PLA1A: variants seen among roughly 807,000 people sequenced by gnomAD.
PLA1A encodes phospholipase A1 member A, also known as phosphatidylserine-specific phospholipase A1alpha.
In PLA1A, 47 loss-of-function variants were observed where a neutral mutation model predicts 49.4. The ratio of observed to expected loss-of-function variants is 0.95; its 90% CI spans 0.75 to 1.21. The LOEUF (loss-of-function observed/expected upper bound fraction) is 1.21. Ranked by LOEUF, PLA1A falls within the 50% of genes most tolerant of loss-of-function variation. The probability of loss-of-function intolerance (pLI) is 0.00; values close to 1 mark genes in which losing one functional copy is unlikely to be tolerated. For synonymous variants in PLA1A, 224 were observed against 207.9 expected (o/e 1.08, Z -0.67); for missense variants, 561 against 563.9 (o/e 0.99, Z 0.05).
At chr3:119,613,172 G>T in intron 5 of PLA1A, 54 bp downstream of exon 5, 2 of 1,229,248 alleles carry the variant, frequency 1.6e-6, no homozygotes, top group Non-Finnish European at 2.3e-6. Flanking sequence ...GCAGCGCCTA[G>T]GAGGCTGGCA....
intron 4 of PLA1A, among the ~76,000 whole-genome samples, chr3:119,610,384 C>A (rs1354556063): frequency 6.6e-6 from 1 of 152,052 alleles, no homozygotes; most frequent in Non-Finnish European, 1.5e-5. Context: ...ATTTTTAGTT[C>A]TTTGAGGAAT....
intron 8 of PLA1A, among the ~76,000 whole-genome samples, chr3:119,623,212 G>T (rs1362060204): frequency 6.6e-6 from 1 of 152,032 alleles, no homozygotes; most frequent in Non-Finnish European, 1.5e-5. Context: ...CACAGTCACG[G>T]TTCACTGCAG....
intron 1 of PLA1A, among the ~76,000 whole-genome samples, chr3:119,605,472 C>T (rs1184764555): frequency 1.2e-4 from 19 of 152,246 alleles, no homozygotes; most frequent in Admixed American, 1.2e-3. Context: ...CCAGTTACCT[C>T]TGATAGAAGA....
chr3:119,598,665 C>A (rs1364916603), intron 1 of PLA1A: 1 of 152,296 alleles, frequency 6.6e-6, no homozygotes, highest in Non-Finnish European at 1.5e-5. Context: ...CCTCTACTCA[C>A]AATAGCAGGC....
chr3:119,619,482 TTAA>T, intron 7 of PLA1A, 78 bp from the exon 8 acceptor site: 3 of 883,258 alleles, frequency 3.4e-6, no homozygotes, highest in Non-Finnish European at 5.7e-6. Context: ...GGTGCATGAA[TTAA>T]TAAACACGTG....
At chr3:119,607,411 C>T (rs1408830085) in intron 2 of PLA1A, among the ~76,000 whole-genome samples, 1 of 152,216 alleles carries the variant, frequency 6.6e-6, no homozygotes, top group Non-Finnish European at 1.5e-5. Flanking sequence ...CTCCAGTCCA[C>T]AATTTGTTGT....
chr3:119,600,871 G>A (rs545932513), intron 1 of PLA1A, among the ~76,000 whole-genome samples: 2 of 152,346 alleles, frequency 1.3e-5, no homozygotes, highest in South Asian at 2.1e-4. Context: ...GTGCTGAGCT[G>A]GTGGCAGAAG....
At chr3:119,610,596 A>G (rs2082752091) in intron 4 of PLA1A, among the ~76,000 whole-genome samples, 1 of 152,132 alleles carries the variant, frequency 6.6e-6, no homozygotes, top group Non-Finnish European at 1.5e-5. Context: ...TTTGTTAGCC[A>G]CTTGTATGTC....
chr3:119,617,229 G>A (rs189894591), intron 6 of PLA1A, among the ~76,000 whole-genome samples: 6 of 152,274 alleles, frequency 3.9e-5, no homozygotes, highest in African/African-American at 1.2e-4. Flanking sequence ...CATTTGGCCC[G>A]GTGAGCCTCA....
At chr3:119,603,672 A>G (rs1422046085) in intron 1 of PLA1A, among the ~76,000 whole-genome samples, 1 of 152,224 alleles carries the variant, frequency 6.6e-6, no homozygotes, top group Admixed American at 6.5e-5. Flanking sequence ...TTAAAATTTT[A>G]AATAGTTTAT....
rs1310776342 is a variant in PLA1A, at chr3:119,613,197, C to T, written c.664+79C>T. On this transcript the variant is annotated intron_variant, in intron 5 of 10. Coordinates refer to ENST00000273371, the MANE Select transcript of PLA1A (RefSeq NM_015900.4). ...GGAGGCTGGCATCTAGCTCTGTGGC[C>T]CTGGGCAGAGATGCCCTGACCCTCT... is the stretch of plus-strand genomic sequence containing the variant. The T allele has an allele frequency of 3.3e-6, 3 of 914,058 alleles. No homozygotes were observed. In the East Asian group the frequency reaches 8.0e-5, roughly 24 times the overall value. 56.6% of individuals were successfully genotyped at this position (914,058 alleles called of 1,614,324 possible).
At chr3:119,610,149 A>C (rs1020415848) in intron 4 of PLA1A, among the ~76,000 whole-genome samples, 7 of 152,370 alleles carry the variant, frequency 4.6e-5, no homozygotes, top group Non-Finnish European at 1.0e-4. Flanking sequence ...TGCAGAGAAC[A>C]TAATTTCATT....
Position 119,606,919 on chromosome 3 carries a change from C to T in PLA1A, c.219C>T (p.Leu73=). 1 of 1,614,124 alleles carries T rather than the reference C, an allele frequency of 6.2e-7. No homozygotes were observed. Among genetic ancestry groups the T allele is most frequent in the Admixed American group, 1.7e-5 (1 of 60,024 alleles). ...AGCTAGTAGAAGGAAGCAGTGACCT[C>T]CAAAACTCTGGGTTCAATGCCACTC... ...CGQLVEGSSD[L]QNSGFNATLG... Residue 73 remains leucine, a synonymous_variant, in exon 2 of 11, where the codon CTC becomes CTT. Transcript: ENST00000273371.
At chr3:119,601,545 C>A (rs2082618742) in intron 1 of PLA1A, among the ~76,000 whole-genome samples, 1 of 152,214 alleles carries the variant, frequency 6.6e-6, no homozygotes, top group Non-Finnish European at 1.5e-5. Context: ...TCAGCCTGGC[C>A]AGATACTCAT....
Position 119,628,695 on chromosome 3 carries a change from T to C in PLA1A, c.1122-6T>C, listed in dbSNP as rs374371266. 2 of 1,613,858 alleles carry C rather than the reference T, an allele frequency of 1.2e-6. No individual in the cohort carries two copies. Among genetic ancestry groups the C allele is most frequent in the Admixed American group, 1.7e-5 (1 of 59,992 alleles). ...CATTTACTTTCCCTTTACCCTTTTC[T>C]TGCAGACCTAAGCAGCAACGCTATG... On this transcript the variant is annotated splice_region_variant and splice_polypyrimidine_tract_variant and intron_variant, in intron 9 of 10. Coordinates refer to ENST00000273371, the MANE Select transcript of PLA1A (RefSeq NM_015900.4).
intron 3 of PLA1A, 37 bp downstream of exon 3, chr3:119,608,984 G>C (rs369466528): frequency 1.9e-6 from 3 of 1,552,278 alleles, no homozygotes; most frequent in African/African-American, 2.7e-5. Flanking sequence ...TTTGGGCTGC[G>C]TATGAGGAGA....
chr3:119,608,202 AAAAG>A (rs5852211), intron 2 of PLA1A, among the ~76,000 whole-genome samples: 79,582 of 115,494 alleles, frequency 0.69, 25,696 homozygotes, highest in Admixed American at 0.76. Flanking sequence ...GAAAGGAAAG[AAAAG>A]AAAGAAAGAA....
In PLA1A at chr3:119,615,169, G is replaced by A. The variant is rs934721221; in HGVS notation, c.665-843G>A. Among the ~76,000 whole-genome samples, 3 of 152,220 alleles carry A rather than the reference G, an allele frequency of 2.0e-5. No individual in the cohort carries two copies. In the East Asian group the frequency reaches 5.8e-4, roughly 29 times the overall value. On this transcript the variant is annotated intron_variant, in intron 5 of 10. Coordinates refer to ENST00000273371, the MANE Select transcript of PLA1A (RefSeq NM_015900.4). ...CCAATACTGACAGATGACAGAAGGAGAAAGTCGGGGTCTTCAGCAGCTGGG... is the reference window on the plus strand; with the variant it reads ...CCAATACTGACAGATGACAGAAGGAAAAAGTCGGGGTCTTCAGCAGCTGGG...
At chr3:119,623,852 GT>G (rs1347411219) in intron 8 of PLA1A, among the ~76,000 whole-genome samples, 5 of 149,974 alleles carry the variant, frequency 3.3e-5, no homozygotes, top group Admixed American at 6.7e-5. Context: ...AGCCTCCTTA[GT>G]AGCTGGGGTT....
Sources: allele counts gnomAD v4.1 joint callset (sites outside exome capture counted in the v4.1 genomes callset), GRCh38; gene constraint gnomAD v4.1.1; transcripts MANE v1.5; gene names NCBI Gene and HGNC (gene_info 2026-07-23, HGNC 2026-07-21).